CTSC: variants seen among roughly 807,000 people sequenced by gnomAD.
CTSC encodes cathepsin C.
A neutral mutation model predicts 40.9 loss-of-function variants in CTSC; 37 were observed. The ratio of observed to expected loss-of-function variants is 0.91; its 90% CI spans 0.70 to 1.19. The LOEUF (loss-of-function observed/expected upper bound fraction) is 1.19. CTSC is among the 50% of genes most tolerant of loss of function. The pLI, the probability that CTSC is intolerant of heterozygous loss-of-function variation, is 0.00. For synonymous variants in CTSC, 232 were observed against 207.4 expected, an observed-to-expected ratio of 1.12 and a Z score of -1.02; for missense variants, 594 against 567.3, an observed-to-expected ratio of 1.05 and a Z score of -0.48.
chr11:88,316,456 A>G (rs990429054), intron 2 of CTSC, among the ~76,000 whole-genome samples: 4 of 132,586 alleles, frequency 3.0e-5, no homozygotes, highest in Admixed American at 8.0e-5. Context: ...GGCCTGGATG[A>G]CAGAATCAGA....
At chr11:88,326,359 C>A in intron 2 of CTSC, 1 of 1,613,744 alleles carries the variant, frequency 6.2e-7, no homozygotes, top group Non-Finnish European at 8.5e-7. Context: ...TCCACACTGT[C>A]GCAGGCTGCT....
intron 2 of CTSC, among the ~76,000 whole-genome samples, chr11:88,319,391 T>C (rs561814797): frequency 6.6e-6 from 1 of 152,296 alleles, no homozygotes; most frequent in African/African-American, 2.4e-5. Flanking sequence ...TCATCCCTAA[T>C]ACCAATTGAT....
At chr11:88,337,244 G>A (rs181256273) in intron 1 of CTSC, among the ~76,000 whole-genome samples, 277 of 152,282 alleles carry the variant, frequency 1.8e-3, no homozygotes, top group African/African-American at 5.9e-3. Flanking sequence ...TAAGCGGGAG[G>A]AATAAAAAAG....
At chr11:88,316,287 T>C (rs1475407341) in intron 2 of CTSC, among the ~76,000 whole-genome samples, 1 of 152,136 alleles carries the variant, frequency 6.6e-6, no homozygotes, top group Non-Finnish European at 1.5e-5. Flanking sequence ...CACGTTCCTC[T>C]CTGTACTTTC....
chr11:88,333,575 G>C (rs568258587), intron 2 of CTSC, among the ~76,000 whole-genome samples: 21 of 152,306 alleles, frequency 1.4e-4, no homozygotes, highest in African/African-American at 4.8e-4. Context: ...CAGAGTAACT[G>C]TAAGAGGTCT....
chr11:88,321,384 T>C (rs1035494098), intron 2 of CTSC: 1 of 152,152 alleles, frequency 6.6e-6, no homozygotes, highest in East Asian at 1.9e-4. Context: ...CATAAATGGG[T>C]TAAGCCCAGA....
chr11:88,337,042 G>GA (rs34879788), intron 1 of CTSC, among the ~76,000 whole-genome samples: 50,660 of 152,028 alleles, frequency 0.33, 9,442 homozygotes, highest in Non-Finnish European at 0.44. Context: ...TCGCTGGGCA[G>GA]AAAGTCCCTT....
rs544272283 is a variant in CTSC, at chr11:88,313,760, C to T, written c.319-1206G>A. On this transcript the variant is annotated intron_variant, in intron 2 of 6. Coordinates refer to ENST00000227266, the MANE Select transcript of CTSC (RefSeq NM_001814.6). ...TTGTAGAACCTTGGGCAAGATTTTACGAGGCTTTAGTTCTGTTGCCTGTAA... is the reference window on the plus strand; with the variant it reads ...TTGTAGAACCTTGGGCAAGATTTTATGAGGCTTTAGTTCTGTTGCCTGTAA... 5.9e-5 allele frequency among the ~76,000 whole-genome samples: 9 copies of T among 152,134 alleles called. No homozygotes were observed. The South Asian group carries it at 8.3e-4, about 14-fold the overall frequency.
chr11:88,299,536 C>G (rs1468621685), intron 5 of CTSC: 2 of 152,248 alleles, frequency 1.3e-5, no homozygotes, highest in East Asian at 3.9e-4. Flanking sequence ...ACTTGGGGCT[C>G]TCAACATTCA....
At chr11:88,294,691 C>T (rs1211302809) in intron 6 of CTSC, among the ~76,000 whole-genome samples, 183 bp from the exon 7 acceptor site, 3 of 152,196 alleles carry the variant, frequency 2.0e-5, no homozygotes, top group African/African-American at 7.2e-5. Flanking sequence ...CCTCCTTCTA[C>T]TTAACAGATA....
chr11:88,295,479 A>C (rs1944288421), intron 6 of CTSC, among the ~76,000 whole-genome samples: 1 of 151,850 alleles, frequency 6.6e-6, no homozygotes. Flanking sequence ...TCCTGGGCTC[A>C]GGTGATTCTT....
chr11:88,308,918 C>T (rs1937691531), intron 4 of CTSC, among the ~76,000 whole-genome samples: 1 of 151,986 alleles, frequency 6.6e-6, no homozygotes, highest in Admixed American at 6.6e-5. Context: ...AGCTGCATGC[C>T]AGAGTGTAGA....
chr11:88,316,501 A>AAATAAATAAATG (rs1211606419), intron 2 of CTSC, among the ~76,000 whole-genome samples: 1 of 140,954 alleles, frequency 7.1e-6, no homozygotes, highest in African/African-American at 2.5e-5. Context: ...ATAAATAAAT[A>AAATAAATAAATG]AATGAAGCAG....
intron 4 of CTSC, among the ~76,000 whole-genome samples, chr11:88,306,992 G>T (rs1327615247): frequency 2.6e-5 from 4 of 152,184 alleles, no homozygotes; most frequent in Non-Finnish European, 4.4e-5. Context: ...GGTTTGGGTG[G>T]TAGGGCAAGG....
intron 1 of CTSC, among the ~76,000 whole-genome samples, chr11:88,336,890 G>A (rs911731436): frequency 2.6e-5 from 4 of 152,244 alleles, no homozygotes; most frequent in South Asian, 4.1e-4. Flanking sequence ...CAGACTCTGG[G>A]CATTTCTAAT....
At chr11:88,323,726 AAGG>A (rs1938096768) in intron 2 of CTSC, 1 of 152,166 alleles carries the variant, frequency 6.6e-6, no homozygotes, top group Non-Finnish European at 1.5e-5. Flanking sequence ...GGATCTCTTC[AAGG>A]AGAACTACAA....
At chr11:88,333,361 A>AT (rs527717701) in intron 2 of CTSC, among the ~76,000 whole-genome samples, 12 of 152,092 alleles carry the variant, frequency 7.9e-5, no homozygotes, top group South Asian at 6.2e-4. Context: ...TCATTCATTC[A>AT]TTTTTTTTGT....
chr11:88,312,470 C>A lies in CTSC; in HGVS notation c.403G>T (p.Ala135Ser), dbSNP rs773995875. 2.5e-6 allele frequency: 4 copies of A among 1,614,190 alleles called. No individual in the cohort carries two copies. Among genetic ancestry groups the A allele is most frequent in the South Asian group, 2.2e-5 (2 of 91,084 alleles). ...CCCACCTTCTTTCCGGTGAAACAAG[C>A]CCAGTTCCGGCCCAACACATCATGC... ...WVHDVLGRNW[A>S]CFTGKKVGTA... The change falls in exon 3 of 7, where the codon GCT becomes TCT. Residue 135 changes from alanine to serine, a missense_variant. By Grantham distance (99) the Ala-to-Ser change is moderately conservative. Coordinates refer to ENST00000227266, the MANE Select transcript of CTSC (RefSeq NM_001814.6).
chr11:88,324,751 G>A (rs1385742589), intron 2 of CTSC: 14 of 985,212 alleles, frequency 1.4e-5, no homozygotes, highest in African/African-American at 1.7e-5. Flanking sequence ...TGTTTCTCAC[G>A]GTAATAGAGA....
Sources: allele counts gnomAD v4.1 joint callset (sites outside exome capture counted in the v4.1 genomes callset), GRCh38; gene constraint gnomAD v4.1.1; transcripts MANE v1.5; gene names NCBI Gene and HGNC (gene_info 2026-07-23, HGNC 2026-07-21).